Variants in BRINP3 observed in about 807,000 individuals in gnomAD.
The protein encoded by BRINP3 is BMP/retinoic acid inducible neural specific 3.
BRINP3 carries 19 observed loss-of-function variants against 71.0 expected under a neutral mutation model. That is an observed-to-expected ratio of 0.27 (90% CI 0.19 to 0.39). The LOEUF is 0.39. Among genes scored for constraint, BRINP3 ranks in the 10% least tolerant of loss-of-function variants. BRINP3 has a pLI of 1.00. For synonymous variants in BRINP3, 380 were observed against 337.7 expected, an observed-to-expected ratio of 1.13 and a Z score of -1.37; for missense variants, 959 against 940.8, an observed-to-expected ratio of 1.02 and a Z score of -0.25.
At chr1:190,202,812 C>T (rs1343756840) in intron 6 of BRINP3, among the ~76,000 whole-genome samples, 1 of 152,054 alleles carries the variant, frequency 6.6e-6, no homozygotes, top group East Asian at 1.9e-4. Context: ...CCTCCCCAGC[C>T]ATGTAGAACT....
At chr1:190,121,328 A>C (rs114016329) in intron 7 of BRINP3, among the ~76,000 whole-genome samples, 3,350 of 152,228 alleles carry the variant, frequency 0.022, 117 homozygotes, top group African/African-American at 0.075. Context: ...AACAAAACTG[A>C]TTTTACAAAA....
chr1:190,390,562 A>G (rs1671188611), intron 2 of BRINP3, among the ~76,000 whole-genome samples: 1 of 151,760 alleles, frequency 6.6e-6, no homozygotes, highest in South Asian at 2.1e-4. Flanking sequence ...CCCTCAAGGA[A>G]CAGGTGGGAT....
intron 2 of BRINP3, among the ~76,000 whole-genome samples, chr1:190,297,335 A>G (rs1664326688): frequency 2.0e-5 from 3 of 152,036 alleles, no homozygotes; most frequent in Admixed American, 2.0e-4. Context: ...AAGGATTAAA[A>G]TTGGACCTTT....
intron 7 of BRINP3, among the ~76,000 whole-genome samples, chr1:190,132,424 G>A (rs898635997): frequency 1.3e-5 from 2 of 151,938 alleles, no homozygotes; most frequent in Non-Finnish European, 2.9e-5. Context: ...TATTATATTG[G>A]GTTGTAGTAA....
intron 7 of BRINP3, among the ~76,000 whole-genome samples, chr1:190,120,739 G>A (rs1471437027): frequency 6.6e-6 from 1 of 150,988 alleles, no homozygotes; most frequent in African/African-American, 2.4e-5. Context: ...TCCTGACCTC[G>A]TGATCCACCG....
chr1:190,210,071 C>A (rs1655854763), intron 6 of BRINP3, among the ~76,000 whole-genome samples: 2 of 151,982 alleles, frequency 1.3e-5, no homozygotes, highest in Admixed American at 1.3e-4. Flanking sequence ...AGGATTTTAA[C>A]AAAGTCTATG....
At chr1:190,267,176 G>T (rs2102883647) in intron 3 of BRINP3, among the ~76,000 whole-genome samples, 1 of 152,164 alleles carries the variant, frequency 6.6e-6, no homozygotes, top group South Asian at 2.1e-4. Context: ...TAAACCTTAT[G>T]TTAAGAATAG....
chr1:190,414,646 C>T (rs2102426198), intron 2 of BRINP3, among the ~76,000 whole-genome samples: 1 of 152,222 alleles, frequency 6.6e-6, no homozygotes, highest in Admixed American at 6.5e-5. Context: ...TGAGTCTTTG[C>T]TCTTTTAAAG....
intron 1 of BRINP3, chr1:190,475,685 C>T (rs1178583837): frequency 6.6e-6 from 1 of 152,224 alleles, no homozygotes; most frequent in East Asian, 1.9e-4. Context: ...TGATAACCCT[C>T]CAGTTAAAAC....
At chr1:190,461,795 G>A (rs1165396772) in intron 1 of BRINP3, among the ~76,000 whole-genome samples, 2 of 152,166 alleles carry the variant, frequency 1.3e-5, no homozygotes, top group East Asian at 3.9e-4. Flanking sequence ...GTGTCAGGAT[G>A]AAAATAGCTT....
chr1:190,367,779 C>T (rs1226949325), intron 2 of BRINP3, among the ~76,000 whole-genome samples: 1 of 152,146 alleles, frequency 6.6e-6, no homozygotes, highest in Admixed American at 6.5e-5. Context: ...GACCTTTACT[C>T]AAGTTCCCAA....
intron 2 of BRINP3, among the ~76,000 whole-genome samples, chr1:190,355,511 C>A (rs1353415936): frequency 6.6e-6 from 1 of 151,806 alleles, no homozygotes; most frequent in African/African-American, 2.4e-5. Flanking sequence ...TTGATTGTGG[C>A]ATTTCTTTTT....
chr1:190,252,043 C>T lies in BRINP3; in HGVS notation c.618+12822G>A, dbSNP rs572270687. 1.1e-4 allele frequency among the ~76,000 whole-genome samples: 16 copies of T among 152,112 alleles called. No homozygotes were observed. The South Asian group carries it at 3.1e-3, about 30-fold the overall frequency. Reference sequence around the variant, plus strand: ...TAAAGATTTGTCAGATACACTATAACACAGATTTAATCAAAAGTCACTTTG... The same window carrying T: ...TAAAGATTTGTCAGATACACTATAATACAGATTTAATCAAAAGTCACTTTG... On this transcript the variant is annotated intron_variant, in intron 4 of 7. Transcript: ENST00000367462.
chr1:190,277,727 G>T (rs1193929042), intron 3 of BRINP3, among the ~76,000 whole-genome samples: 1 of 151,472 alleles, frequency 6.6e-6, no homozygotes, highest in South Asian at 2.1e-4. Flanking sequence ...TATAATAAAG[G>T]TATTACAAAA....
At chr1:190,303,991 C>A (rs1664915395) in intron 2 of BRINP3, among the ~76,000 whole-genome samples, 1 of 151,496 alleles carries the variant, frequency 6.6e-6, no homozygotes, top group Non-Finnish European at 1.5e-5. Context: ...AGTTAGTCAT[C>A]TAATGAAGAA....
intron 2 of BRINP3, among the ~76,000 whole-genome samples, chr1:190,307,674 A>G (rs10920693): frequency 0.14 from 21,509 of 151,548 alleles, 2,022 homozygotes; most frequent in South Asian, 0.26. Context: ...TTTGCTCATC[A>G]GTAATGTGAA....
chr1:190,104,642 ATATACT>A (rs1182742875), intron 7 of BRINP3, among the ~76,000 whole-genome samples: 9 of 152,092 alleles, frequency 5.9e-5, no homozygotes, highest in African/African-American at 2.2e-4. Flanking sequence ...CTATATTGAA[ATATACT>A]TGTATGACTT....
chr1:190,260,563 G>T (rs540956181), intron 4 of BRINP3, among the ~76,000 whole-genome samples: 14 of 151,734 alleles, frequency 9.2e-5, no homozygotes, highest in Non-Finnish European at 1.8e-4. Context: ...TATATAGAGA[G>T]AGAGAGGTAA....
chr1:190,248,029 T>C (rs1474874222), intron 4 of BRINP3, among the ~76,000 whole-genome samples: 1 of 151,838 alleles, frequency 6.6e-6, no homozygotes, highest in African/African-American at 2.4e-5. Flanking sequence ...GCAAATGCTA[T>C]GGAGATCTCA....
Sources: gnomAD v4.1 joint callset for allele counts (sites outside exome capture counted in the v4.1 genomes callset) on GRCh38, gnomAD v4.1.1 for gene constraint, MANE v1.5 for transcripts, NCBI Gene and HGNC (gene_info 2026-07-23, HGNC 2026-07-21) for gene names.